Variants in TINAGL1 observed in about 807,000 individuals in gnomAD.
TINAGL1 encodes the protein tubulointerstitial nephritis antigen-like.
TINAGL1 carries 34 observed loss-of-function variants against 62.0 expected under a neutral mutation model. That is an observed-to-expected ratio of 0.55 (90% confidence interval 0.42 to 0.73). The LOEUF (loss-of-function observed/expected upper bound fraction) is 0.73. Ranked by LOEUF, TINAGL1 falls within the 30% of genes least tolerant of loss-of-function variation. The pLI, the probability that TINAGL1 is intolerant of heterozygous loss-of-function variation, is 0.00. For synonymous variants in TINAGL1, 221 were observed against 249.7 expected (o/e 0.88, Z 1.08); for missense variants, 516 against 653.2 (o/e 0.79, Z 2.29).
chr1:31,585,560 C>T lies in TINAGL1; in HGVS notation c.1093+75C>T. 3.8e-6 allele frequency: 6 copies of T among 1,594,260 alleles called. No homozygotes were observed. The highest frequency in any genetic ancestry group is 5.1e-6 in the Non-Finnish European group (6 of 1,167,754). ...AGAGTGGGCACAGTAGCACAAGTGG[C>T]CTGCACAGCATTCAGCAGCATGTCC... On this transcript the variant is annotated intron_variant, in intron 9 of 11. Transcript: ENST00000271064. The surrounding 1 kb of genome is among the most constrained non-coding windows in gnomAD (Gnocchi z 4.3).
chr1:31,586,901 C>A lies in TINAGL1; in HGVS notation c.1326C>A (p.Gly442=). The A allele has an allele frequency of 1.3e-6, 2 of 1,546,996 alleles. No individual in the cohort carries two copies. The highest frequency in any genetic ancestry group is 2.5e-5 in the South Asian group (2 of 80,308). ...GGGGCCACTTCCGCATCGTGCGCGG[C>A]GTCAATGAGTGCGACATCGAGAGCT... ...GERGHFRIVR[G]VNECDIESFV... is the part of the protein sequence containing the mutation. Residue 442 remains glycine, a synonymous_variant, in exon 12 of 12, where the codon GGC becomes GGA. Transcript: ENST00000271064.
chr1:31,587,178 C>T lies in TINAGL1; in HGVS notation c.*199C>T. The T allele has an allele frequency of 1.3e-6, 1 of 766,082 alleles. No homozygotes were observed. Among genetic ancestry groups the T allele is most frequent in the Non-Finnish European group, 1.8e-6 (1 of 553,650 alleles). 47.5% of individuals were successfully genotyped at this position (766,082 alleles called of 1,614,324 possible). A position where few individuals can be genotyped will look rare whatever the true frequency, so the allele number is the denominator to read the frequency against. On this transcript the variant is annotated 3_prime_UTR_variant, in exon 12 of 12. Transcript: ENST00000271064. ...GGGCAGGCGAGACTGGCGGAGCCCC[C>T]AGACCTCCCAGTGGGGACGGGGCAG...
In TINAGL1 at chr1:31,587,083, G is replaced by T; in HGVS notation, c.*104G>T. 7.5e-7 allele frequency: 1 copy of T among 1,328,052 alleles called. No individual in the cohort carries two copies. Among genetic ancestry groups the T allele is most frequent in the Non-Finnish European group, 9.6e-7 (1 of 1,044,630 alleles). The allele number at this position is 1,328,052 out of a possible 1,614,324, so 82.3% of individuals were successfully genotyped here. A position where few individuals can be genotyped will look rare whatever the true frequency, so the allele number is the denominator to read the frequency against. On this transcript the variant is annotated 3_prime_UTR_variant, in exon 12 of 12. Transcript: ENST00000271064. ...CCAGCCTCGCCCGACAGAGCCCGGGGCGCAGGCGGGCGCCAGGGCGCTAAT... is the reference window on the plus strand; with the variant it reads ...CCAGCCTCGCCCGACAGAGCCCGGGTCGCAGGCGGGCGCCAGGGCGCTAAT...
chr1:31,578,919 G>T lies in TINAGL1; in HGVS notation c.311-285G>T, dbSNP rs1363512015. Among the ~76,000 whole-genome samples the T allele has an allele frequency of 9.3e-5, 7 of 75,422 alleles. 1 individual carries two copies. Among genetic ancestry groups the T allele is most frequent in the East Asian group, 8.9e-4 (2 of 2,248 alleles). 49.5% of individuals were successfully genotyped at this position (75,422 alleles called of 152,430 possible). On this transcript the variant is annotated intron_variant, in intron 2 of 11. Coordinates refer to ENST00000271064, the MANE Select transcript of TINAGL1 (RefSeq NM_022164.3). ...GTGTGATATCTTCAGTTATAGTTTGGCTTCAATTTCAGTGAGAGCTGGTAT... is the reference window on the plus strand; with the variant it reads ...GTGTGATATCTTCAGTTATAGTTTGTCTTCAATTTCAGTGAGAGCTGGTAT...
At position 31,583,665 on chromosome 1, in the gene TINAGL1, T is replaced by C; in HGVS notation, c.582+90T>C. The C allele has an allele frequency of 1.8e-6, 2 of 1,126,504 alleles. No homozygotes were observed. The highest frequency in any genetic ancestry group is 2.6e-6 in the Non-Finnish European group (2 of 776,500). 69.8% of individuals were successfully genotyped at this position (1,126,504 alleles called of 1,614,324 possible). ...CCTGTGCCCTGCTCCTCCAAGGGCCTGGACCATCCCCTACTACAAGGCTGT... is the reference window on the plus strand; with the variant it reads ...CCTGTGCCCTGCTCCTCCAAGGGCCCGGACCATCCCCTACTACAAGGCTGT... On this transcript the variant is annotated intron_variant, in intron 5 of 11. Transcript: ENST00000271064. The surrounding 1 kb of genome is among the most constrained non-coding windows in gnomAD (Gnocchi z 4.4).
In TINAGL1 at chr1:31,587,129, C is replaced by A. The variant is rs1038649498; in HGVS notation, c.*150C>A. 4.9e-5 allele frequency: 58 copies of A among 1,188,142 alleles called. 1 individual carries two copies. The Admixed American group carries it at 9.0e-4, about 18-fold the overall frequency. The allele number at this position is 1,188,142 out of a possible 1,614,324, so 73.6% of individuals were successfully genotyped here. Reference sequence around the variant, plus strand: ...CTAATCCCGGCGCGGGTTCCGCTGACGCAGCGCCCCGCCTGGGAGCCGCGG... The same window carrying A: ...CTAATCCCGGCGCGGGTTCCGCTGAAGCAGCGCCCCGCCTGGGAGCCGCGG... On this transcript the variant is annotated 3_prime_UTR_variant, in exon 12 of 12. Transcript: ENST00000271064.
At chr1:31,586,795 G>A (rs746665194) in intron 11 of TINAGL1, 40 bp downstream of exon 11, 39 of 1,542,090 alleles carry the variant, frequency 2.5e-5, no homozygotes, top group Non-Finnish European at 3.2e-5. Context: ...TCTTCCCCTC[G>A]CCCCACTCCC....
Position 31,587,046 on chromosome 1 carries a change from G to A in TINAGL1, c.*67G>A, listed in dbSNP as rs368123383. On this transcript the variant is annotated 3_prime_UTR_variant, in exon 12 of 12. Transcript: ENST00000271064. ...AAGGGCCGGCGGAAGAGGCCCCAATGGGGCGGTGACCCCAGCCTCGCCCGA... is the reference window on the plus strand; with the variant it reads ...AAGGGCCGGCGGAAGAGGCCCCAATAGGGCGGTGACCCCAGCCTCGCCCGA... 3 of 1,390,368 alleles carry A rather than the reference G, an allele frequency of 2.2e-6. No individual in the cohort carries two copies. The highest frequency in any genetic ancestry group is 2.8e-6 in the Non-Finnish European group (3 of 1,078,190). The allele number at this position is 1,390,368 out of a possible 1,614,324, so 86.1% of individuals were successfully genotyped here. A position where few individuals can be genotyped will look rare whatever the true frequency, so the allele number is the denominator to read the frequency against.
At chr1:31,582,118 C>T (rs1319364559) in intron 3 of TINAGL1, among the ~76,000 whole-genome samples, 1 of 152,106 alleles carries the variant, frequency 6.6e-6, no homozygotes, top group Admixed American at 6.6e-5. Context: ...TCACTTGAGG[C>T]CAGGAATTTG....
chr1:31,584,596 G>T lies in TINAGL1; in HGVS notation c.583-82G>T. 2 of 1,595,444 alleles carry T rather than the reference G, an allele frequency of 1.3e-6. No individual in the cohort carries two copies. Among genetic ancestry groups the T allele is most frequent in the South Asian group, 1.1e-5 (1 of 90,208 alleles). ...TTAAACTGCAGAAGGCCCTGGACTT[G>T]GTGGCCCTCCAGTGCCAATGGGCAC... On this transcript the variant is annotated intron_variant, in intron 5 of 11. Coordinates refer to ENST00000271064, the MANE Select transcript of TINAGL1 (RefSeq NM_022164.3). This position sits in a 1 kb window ranked among gnomAD's most constrained non-coding sequence, Gnocchi z 4.0.
At position 31,585,364 on chromosome 1, in the gene TINAGL1, C is replaced by T. The variant is rs746027359; in HGVS notation, c.1047+24C>T. The T allele has an allele frequency of 5.6e-6, 9 of 1,603,238 alleles. No individual in the cohort carries two copies. The highest frequency in any genetic ancestry group is 3.3e-5 in the South Asian group (3 of 89,822). On this transcript the variant is annotated intron_variant, in intron 8 of 11. Transcript: ENST00000271064. The surrounding 1 kb of genome is among the most constrained non-coding windows in gnomAD (Gnocchi z 4.3). ...ACGTAAGTCAGCACTTGGGTGAGGG[C>T]GCCGAGGCAGGAGGGTTGTGAAAGC... is the stretch of plus-strand genomic sequence containing the variant.
At chr1:31,580,386 C>G (rs1236784884) in intron 3 of TINAGL1, 1 of 1,289,246 alleles carries the variant, frequency 7.8e-7, no homozygotes, top group South Asian at 1.2e-5. Flanking sequence ...AAGGACAGAA[C>G]AGTCTACTGC....
intron 3 of TINAGL1, chr1:31,579,777 C>G (rs1413958056): frequency 1.2e-5 from 2 of 164,622 alleles, no homozygotes; most frequent in South Asian, 1.7e-4. Flanking sequence ...TGGGTACCCC[C>G]CTATTCAGTC....
At chr1:31,580,598 C>T (rs1482461383) in intron 3 of TINAGL1, 3 of 1,289,352 alleles carry the variant, frequency 2.3e-6, no homozygotes, top group Non-Finnish European at 3.0e-6. Flanking sequence ...CAGCAGTGCC[C>T]CCGCCTCTCC....
Position 31,583,286 on chromosome 1 carries a change from C to CATGCGTGTATACATGCATGAGT in TINAGL1, c.467+49_467+50insGTGTATACATGCATGAGTATGC. 6.5e-7 allele frequency: 1 copy of CATGCGTGTATACATGCATGAGT among 1,535,814 alleles called. No homozygotes were observed. The highest frequency in any genetic ancestry group is 9.0e-7 in the Non-Finnish European group (1 of 1,108,788). ...CCCTCAGTGGGCACACATGCATACT[C>CATGCGTGTATACATGCATGAGT]ATGCATGTATACACGCATGCTGTGC... On this transcript the variant is annotated intron_variant, in intron 4 of 11. Coordinates refer to ENST00000271064, the MANE Select transcript of TINAGL1 (RefSeq NM_022164.3). This position sits in a 1 kb window ranked among gnomAD's most constrained non-coding sequence, Gnocchi z 4.4.
At chr1:31,580,927 C>A in intron 3 of TINAGL1, 1 of 393,060 alleles carries the variant, frequency 2.5e-6, no homozygotes, top group Non-Finnish European at 3.5e-6. Context: ...TATATTCTGA[C>A]AAGCTGCCCA....
chr1:31,579,330 A>G, intron 3 of TINAGL1, 63 bp downstream of exon 3: 2 of 1,473,436 alleles, frequency 1.4e-6, no homozygotes, highest in African/African-American at 1.4e-5. Flanking sequence ...ACTTGGTTCA[A>G]ATCTTATCCC....
rs376030101 is a variant in TINAGL1 at position 31,585,544 on chromosome 1, A to T, written c.1093+59A>T. On this transcript the variant is annotated intron_variant, in intron 9 of 11. Transcript: ENST00000271064. The surrounding 1 kb of genome is among the most constrained non-coding windows in gnomAD (Gnocchi z 4.3). ...AGCTTGTGCCTGCTTGAGAGTGGGCACAGTAGCACAAGTGGCCTGCACAGC... is the reference window on the plus strand; with the variant it reads ...AGCTTGTGCCTGCTTGAGAGTGGGCTCAGTAGCACAAGTGGCCTGCACAGC... The T allele has an allele frequency of 4.0e-5, 64 of 1,606,690 alleles. No individual in the cohort carries two copies. In the African/African-American group the frequency reaches 6.7e-4, roughly 17 times the overall value.
chr1:31,585,082 C>T lies in TINAGL1; in HGVS notation c.857+46C>T. 1 of 1,569,270 alleles carries T rather than the reference C, an allele frequency of 6.4e-7. No homozygotes were observed. Among genetic ancestry groups the T allele is most frequent in the Non-Finnish European group, 8.7e-7 (1 of 1,153,680 alleles). On this transcript the variant is annotated intron_variant, in intron 7 of 11. Transcript: ENST00000271064. The surrounding 1 kb of genome is among the most constrained non-coding windows in gnomAD (Gnocchi z 4.3). The stretch of plus-strand genomic sequence containing the variant: ...TGGGCAGAGAAGAGGGCAAGGAGCT[C>T]CGTGGGCATGGCCTGGGCCATGATG...
Sources: allele counts gnomAD v4.1 joint callset (sites outside exome capture counted in the v4.1 genomes callset), GRCh38; gene constraint gnomAD v4.1.1; non-coding constraint Gnocchi (gnomAD v3.1); transcripts MANE v1.5; gene names NCBI Gene and HGNC (gene_info 2026-07-23, HGNC 2026-07-21).